Variants in GPR176 observed in about 807,000 individuals in gnomAD.
GPR176 encodes G protein-coupled receptor 176.
In GPR176, 26 loss-of-function variants were observed where a neutral mutation model predicts 35.4. The ratio of observed to expected loss-of-function variants is 0.74; its 90% CI spans 0.54 to 1.02. GPR176 has a LOEUF of 1.02. Among genes scored for constraint, GPR176 ranks in the 50% least tolerant of loss-of-function variants. The probability of loss-of-function intolerance (pLI) is 0.00; values close to 1 mark genes in which losing one functional copy is unlikely to be tolerated. For synonymous variants in GPR176, 278 were observed against 271.3 expected, an observed-to-expected ratio of 1.02 and a Z score of -0.24; for missense variants, 597 against 665.3, an observed-to-expected ratio of 0.90 and a Z score of 1.13.
Position 39,920,150 on chromosome 15 carries a change from G to A in GPR176, c.-124C>T. ...GAGTCCTGGAGAAGCCGGAGCAGCC[G>A]ACGGGTCCCCTCACGTCTCCACATC... On this transcript the variant is annotated 5_prime_UTR_variant, in exon 1 of 3. Coordinates refer to ENST00000561100, the MANE Select transcript of GPR176 (RefSeq NM_007223.3). 1 of 611,078 alleles carries A rather than the reference G, an allele frequency of 1.6e-6. No homozygotes were observed. Among genetic ancestry groups the A allele is most frequent in the Non-Finnish European group, 2.4e-6 (1 of 414,366 alleles). 37.9% of individuals were successfully genotyped at this position (611,078 alleles called of 1,614,324 possible). A position where few individuals can be genotyped will look rare whatever the true frequency, so the allele number is the denominator to read the frequency against.
intron 1 of GPR176, among the ~76,000 whole-genome samples, chr15:39,826,128 G>C (rs1288364985): frequency 6.6e-6 from 1 of 152,144 alleles, no homozygotes; most frequent in Non-Finnish European, 1.5e-5. Context: ...GAGAAGGACA[G>C]TGTGCCAGGA....
At chr15:39,835,913 G>A (rs186497490) in intron 1 of GPR176, among the ~76,000 whole-genome samples, 52 of 152,188 alleles carry the variant, frequency 3.4e-4, no homozygotes, top group Admixed American at 5.2e-4. Context: ...TGGTCAACAT[G>A]GCAAAACCCA....
At position 39,801,991 on chromosome 15, in the gene GPR176, C is replaced by T. The variant is rs1323422238; in HGVS notation, c.689G>A (p.Arg230Gln). 4 of 1,614,012 alleles carry T rather than the reference C, an allele frequency of 2.5e-6. No homozygotes were observed. Among genetic ancestry groups the T allele is most frequent in the Non-Finnish European group, 3.4e-6 (4 of 1,180,018 alleles). Reference protein sequence around the residue: ...VVFLFLILIRRALSASQKKKV... With the variant: ...VVFLFLILIRQALSASQKKKV... ...CTTCTTCTGGCTGGCACTCAGGGCC[C>T]GTCGGATCAGTATCAAGAAGAGGAA... Residue 230 changes from arginine to glutamine, a missense_variant, in exon 3 of 3, where the codon CGG becomes CAG. Around this residue, in one of 3 missense-constraint regions of GPR176, gnomAD observed 220 missense variants for 297.6 expected, o/e 0.74. Coordinates refer to ENST00000561100, the MANE Select transcript of GPR176 (RefSeq NM_007223.3).
At chr15:39,821,195 C>T (rs1257394543) in intron 1 of GPR176, among the ~76,000 whole-genome samples, 2 of 152,044 alleles carry the variant, frequency 1.3e-5, no homozygotes, top group African/African-American at 2.4e-5. Flanking sequence ...CAAAATAATG[C>T]AATTTTGAAA....
chr15:39,904,522 C>A (rs186640210), intron 1 of GPR176, among the ~76,000 whole-genome samples: 1 of 152,184 alleles, frequency 6.6e-6, no homozygotes, highest in East Asian at 1.9e-4. Flanking sequence ...CCTACTTACC[C>A]AGGAAGGAAG....
intron 1 of GPR176, among the ~76,000 whole-genome samples, chr15:39,844,566 A>G (rs2030272253): frequency 6.6e-6 from 1 of 150,950 alleles, no homozygotes; most frequent in Non-Finnish European, 1.5e-5. Flanking sequence ...GGAGCCCCCA[A>G]CCCCGTCTGC....
At chr15:39,891,830 C>T (rs953820510) in intron 1 of GPR176, among the ~76,000 whole-genome samples, 1 of 152,026 alleles carries the variant, frequency 6.6e-6, no homozygotes, top group African/African-American at 2.4e-5. Context: ...CAGAGAGAGA[C>T]CTTGTCTCTA....
intron 1 of GPR176, among the ~76,000 whole-genome samples, chr15:39,830,125 A>G (rs962853400): frequency 4.6e-5 from 7 of 152,182 alleles, no homozygotes; most frequent in African/African-American, 1.7e-4. Context: ...AGAACATATT[A>G]TCAGCATTTG....
intron 1 of GPR176, among the ~76,000 whole-genome samples, chr15:39,892,613 T>G (rs967611124): frequency 6.6e-6 from 1 of 152,192 alleles, no homozygotes; most frequent in African/African-American, 2.4e-5. Context: ...CCCTTCCTTA[T>G]AAGAAGAGAG....
At chr15:39,834,636 G>A (rs1031349673) in intron 1 of GPR176, among the ~76,000 whole-genome samples, 2 of 152,166 alleles carry the variant, frequency 1.3e-5, no homozygotes, top group African/African-American at 4.8e-5. Context: ...GCAACAACAT[G>A]TATGGGACTG....
chr15:39,884,374 C>G (rs1288007526), intron 1 of GPR176, among the ~76,000 whole-genome samples: 2 of 150,196 alleles, frequency 1.3e-5, no homozygotes, highest in African/African-American at 5.1e-5. Flanking sequence ...GCTAAACTGT[C>G]CATTGAATTA....
chr15:39,876,767 T>G (rs2032263271), intron 1 of GPR176, among the ~76,000 whole-genome samples: 1 of 151,408 alleles, frequency 6.6e-6, no homozygotes, highest in African/African-American at 2.4e-5. Context: ...AGGTTGAGGT[T>G]GCAGTGAGCT....
rs1309230815 is a variant in GPR176, at chr15:39,800,392, C to G, written c.*740G>C. On this transcript the variant is annotated 3_prime_UTR_variant, in exon 3 of 3. Coordinates refer to ENST00000561100, the MANE Select transcript of GPR176 (RefSeq NM_007223.3). ...CAGAGCGAAGACTTTTCAGTGTTTT[C>G]CAGCCAACACTGACCCTGACTGGAG... 6 of 152,186 alleles carry G rather than the reference C, an allele frequency of 3.9e-5. No individual in the cohort carries two copies. Among genetic ancestry groups the G allele is most frequent in the African/African-American group, 1.4e-4 (6 of 41,432 alleles). The allele number at this position is 152,186 out of a possible 1,614,324, so 9.4% of individuals were successfully genotyped here.
intron 1 of GPR176, among the ~76,000 whole-genome samples, chr15:39,861,540 T>TC (rs1308181499): frequency 6.7e-6 from 1 of 149,784 alleles, no homozygotes; most frequent in Non-Finnish European, 1.5e-5. Flanking sequence ...AGAGCGAGAC[T>TC]CCATCTCAAA....
rs544842986 is a variant in GPR176, at chr15:39,846,896, T to C, written c.173-39638A>G. ...AAATTATCAGAAAATATAATTTTTT[T>C]CCTCAAGTTTTCTAAATTATGTTTA... On this transcript the variant is annotated intron_variant, in intron 1 of 2. Coordinates refer to ENST00000561100, the MANE Select transcript of GPR176 (RefSeq NM_007223.3). Among the ~76,000 whole-genome samples the C allele has an allele frequency of 1.5e-4, 23 of 152,282 alleles. No individual in the cohort carries two copies. In the East Asian group the frequency reaches 4.2e-3, roughly 28 times the overall value.
chr15:39,896,071 T>C (rs180762446), intron 1 of GPR176, among the ~76,000 whole-genome samples: 1 of 152,324 alleles, frequency 6.6e-6, no homozygotes, highest in East Asian at 1.9e-4. Flanking sequence ...TATTTTTTTT[T>C]AGAGACAAGA....
chr15:39,834,637 T>C (rs575254934), intron 1 of GPR176, among the ~76,000 whole-genome samples: 20 of 152,286 alleles, frequency 1.3e-4, no homozygotes, highest in African/African-American at 4.8e-4. Flanking sequence ...CAACAACATG[T>C]ATGGGACTGG....
At chr15:39,889,548 A>AAAAAT (rs201122190) in intron 1 of GPR176, among the ~76,000 whole-genome samples, 13,521 of 132,466 alleles carry the variant, frequency 0.1, 819 homozygotes, top group South Asian at 0.13. Flanking sequence ...ATTCCATCTC[A>AAAAAT]AAAATAAAAT....
chr15:39,871,420 T>C (rs1338052021), intron 1 of GPR176, among the ~76,000 whole-genome samples: 1 of 152,222 alleles, frequency 6.6e-6, no homozygotes, highest in African/African-American at 2.4e-5. Context: ...TTAATATCCT[T>C]CCATCTCTTA....
Sources: allele counts gnomAD v4.1 joint callset (sites outside exome capture counted in the v4.1 genomes callset), GRCh38; gene constraint gnomAD v4.1.1; regional missense constraint gnomAD v4.1.1; transcripts MANE v1.5; gene names NCBI Gene and HGNC (gene_info 2026-07-23, HGNC 2026-07-21).